ANKRD62: variants seen among roughly 807,000 people sequenced by gnomAD.
ANKRD62 encodes the protein ankyrin repeat domain-containing protein 62.
In ANKRD62, 61 loss-of-function variants were observed where a neutral mutation model predicts 98.8. The observed-to-expected ratio is 0.62, with a 90% confidence interval of 0.50 to 0.76. The LOEUF is 0.76. Ranked by LOEUF, ANKRD62 falls within the 30% of genes least tolerant of loss-of-function variation. ANKRD62 has a pLI of 0.00. For missense variants in ANKRD62, 933 were observed against 1,082.9 expected, an observed-to-expected ratio of 0.86 and a Z score of 1.94; for synonymous variants, 341 against 367.9, an observed-to-expected ratio of 0.93 and a Z score of 0.84.
At chr18:12,135,125 T>C in the ANKRD62 span, among the ~76,000 whole-genome samples, 2 of 150,804 alleles carry the variant, frequency 1.3e-5, no homozygotes, top group Non-Finnish European at 1.5e-5. Context: ...GTGTGCCATG[T>C]TGGTGTGCTG....
the ANKRD62 span, among the ~76,000 whole-genome samples, chr18:12,181,659 G>A: frequency 2.0e-5 from 3 of 152,148 alleles, no homozygotes; most frequent in Non-Finnish European, 2.9e-5. Flanking sequence ...CAAGATGGCC[G>A]AATAGGAACA....
At chr18:12,115,660 T>G in intron 10 of ANKRD62, 126 bp downstream of exon 10, 1 of 846,596 alleles carries the variant, frequency 1.2e-6, no homozygotes, top group Non-Finnish European at 1.7e-6. Context: ...ATATCCTTCT[T>G]GTGAACATAG....
At chr18:12,105,878 A>G (rs938844928) in intron 7 of ANKRD62, among the ~76,000 whole-genome samples, 1 of 152,232 alleles carries the variant, frequency 6.6e-6, no homozygotes, top group Non-Finnish European at 1.5e-5. Flanking sequence ...GTTAGCCTAT[A>G]GGAAATTGCT....
In ANKRD62 at chr18:12,126,299, A is replaced by G. The variant is rs1909891456; in HGVS notation, c.2478A>G (p.Glu826=). ...TTCAAGCTGAGTGTAGAAAGCTAGA[A>G]GAGAACAATAAGGGGTTGATGAAGG... ...EKLQAECRKL[E]ENNKGLMKEC... Residue 826 remains glutamate, a synonymous_variant, in exon 13 of 14, where the codon GAA becomes GAG. Coordinates refer to ENST00000587848, the MANE Select transcript of ANKRD62 (RefSeq NM_001277333.2). 1.3e-6 allele frequency: 2 copies of G among 1,535,816 alleles called. No individual in the cohort carries two copies. Among genetic ancestry groups the G allele is most frequent in the African/African-American group, 2.7e-5 (2 of 73,134 alleles).
chr18:12,119,346 CTTT>C (rs56255574), intron 10 of ANKRD62, among the ~76,000 whole-genome samples: 4 of 132,526 alleles, frequency 3.0e-5, no homozygotes, highest in Non-Finnish European at 4.9e-5. Context: ...TGATCTTCTT[CTTT>C]TTTTTTTTTT....
chr18:12,102,843 G>A (rs1171660426), intron 6 of ANKRD62: 3 of 907,668 alleles, frequency 3.3e-6, no homozygotes, highest in Non-Finnish European at 2.7e-6. Flanking sequence ...GTTAATACTG[G>A]ATTTTCAAAT....
chr18:12,095,449 C>A lies in ANKRD62; in HGVS notation c.346C>A (p.Gln116Lys). The change falls in exon 3 of 14, where the codon CAA becomes AAA. Residue 116 changes from glutamine to lysine, a missense_variant. Around this residue, in one of 3 missense-constraint regions of ANKRD62, gnomAD observed 549 missense variants for 587.9 expected, o/e 0.93. Coordinates refer to ENST00000587848, the MANE Select transcript of ANKRD62 (RefSeq NM_001277333.2). ...RTALIKAVQC[Q>K]EEVCASILLE... The stretch of plus-strand genomic sequence containing the variant: ...CTAATACTGACAGGCTGTACAATGT[C>A]AAGAAGAAGTTTGTGCATCCATCCT... The A allele has an allele frequency of 6.4e-7, 1 of 1,572,236 alleles. No individual in the cohort carries two copies. Among genetic ancestry groups the A allele is most frequent in the South Asian group, 1.1e-5 (1 of 87,340 alleles).
the ANKRD62 span, among the ~76,000 whole-genome samples, chr18:12,162,541 T>A: frequency 2.0e-5 from 3 of 152,144 alleles, no homozygotes; most frequent in Non-Finnish European, 4.4e-5. Context: ...CATTTGTTCA[T>A]GTTTGCTTTG....
intron 13 of ANKRD62, among the ~76,000 whole-genome samples, chr18:12,127,544 C>T (rs1909918814): frequency 1.3e-5 from 2 of 152,118 alleles, no homozygotes; most frequent in African/African-American, 2.4e-5. Flanking sequence ...ATGAGTAACA[C>T]GGCACCAGTT....
chr18:12,160,092 T>C, the ANKRD62 span, among the ~76,000 whole-genome samples: 1 of 152,194 alleles, frequency 6.6e-6, no homozygotes, highest in East Asian at 1.9e-4. Context: ...AATCATGTCT[T>C]AGATACTTGA....
intron 8 of ANKRD62, among the ~76,000 whole-genome samples, chr18:12,108,342 C>G (rs1909460727): frequency 6.6e-6 from 1 of 152,146 alleles, no homozygotes; most frequent in South Asian, 2.1e-4. Context: ...AAAGGAGAAG[C>G]AAGCACCTTC....
chr18:12,136,838 G>T, the ANKRD62 span, among the ~76,000 whole-genome samples: 5 of 152,252 alleles, frequency 3.3e-5, no homozygotes, highest in Middle Eastern at 3.4e-3. Flanking sequence ...CTCATGATTT[G>T]GTTCTCTGTT....
intron 1 of ANKRD62, 43 bp from the exon 2 acceptor site, chr18:12,095,128 A>G: frequency 2.2e-6 from 3 of 1,376,976 alleles, no homozygotes; most frequent in Non-Finnish European, 3.0e-6. Context: ...ATGTTTTGGG[A>G]CTGTGCACTA....
At chr18:12,140,831 A>T in the ANKRD62 span, among the ~76,000 whole-genome samples, 36 of 152,298 alleles carry the variant, frequency 2.4e-4, no homozygotes, top group Non-Finnish European at 5.0e-4. Flanking sequence ...CCGTTCTCAG[A>T]TCTCAAATCT....
intron 10 of ANKRD62, among the ~76,000 whole-genome samples, chr18:12,119,753 T>G (rs1909745574): frequency 6.6e-6 from 1 of 151,812 alleles, no homozygotes; most frequent in African/African-American, 2.4e-5. Context: ...TATTTTATTA[T>G]TTATTTATTT....
In ANKRD62 at chr18:12,125,934, C is replaced by A. The variant is rs1909880556; in HGVS notation, c.2113C>A (p.Gln705Lys). 1.9e-6 allele frequency: 3 copies of A among 1,538,658 alleles called. No individual in the cohort carries two copies. Among genetic ancestry groups the A allele is most frequent in the Non-Finnish European group, 2.6e-6 (3 of 1,146,932 alleles). ...TNSHIQILSQ[Q>K]LSKAESTSSG... ...TTCTCACATTCAGATTCTTTCTCAG[C>A]AACTTTCTAAAGCTGAGAGTACATC... The change falls in exon 13 of 14, where the codon CAA becomes AAA. Residue 705 changes from glutamine (Q) to lysine (K), a missense_variant. By Grantham distance (53) the Gln-to-Lys change is moderately conservative. Coordinates refer to ENST00000587848, the MANE Select transcript of ANKRD62 (RefSeq NM_001277333.2).
chr18:12,162,351 A>G, the ANKRD62 span, among the ~76,000 whole-genome samples: 2 of 151,960 alleles, frequency 1.3e-5, no homozygotes, highest in Non-Finnish European at 2.9e-5. Context: ...TCTTCTGCCT[A>G]TTTTTAAGTT....
the ANKRD62 span, among the ~76,000 whole-genome samples, chr18:12,170,072 A>G: frequency 1.3e-5 from 2 of 152,144 alleles, no homozygotes; most frequent in African/African-American, 4.8e-5. Context: ...GGTCTTTTCA[A>G]AAAACTAGCT....
chr18:12,179,095 A>G, the ANKRD62 span, among the ~76,000 whole-genome samples: 1 of 150,546 alleles, frequency 6.6e-6, no homozygotes. Context: ...CAACAGGAGG[A>G]CTGTGTGGTT....
Sources: gnomAD v4.1 joint callset for allele counts (sites outside exome capture counted in the v4.1 genomes callset) on GRCh38, gnomAD v4.1.1 for gene constraint, gnomAD v4.1.1 regional missense constraint, MANE v1.5 for transcripts, NCBI Gene and HGNC (gene_info 2026-07-23, HGNC 2026-07-21) for gene names.